Variants in EPHA7 observed in about 807,000 individuals in gnomAD.
The protein encoded by EPHA7 is EPH receptor A7.
EPHA7 carries 25 observed loss-of-function variants against 112.6 expected under a neutral mutation model. That is an observed-to-expected ratio of 0.22 (90% CI 0.16 to 0.31). The LOEUF (loss-of-function observed/expected upper bound fraction) is 0.31. Among genes scored for constraint, EPHA7 ranks in the 10% least tolerant of loss-of-function variants. The probability of loss-of-function intolerance (pLI) is 1.00; values close to 1 mark genes in which losing one functional copy is unlikely to be tolerated. For missense variants in EPHA7, 962 were observed against 1,212.6 expected, an observed-to-expected ratio of 0.79 and a Z score of 3.07; for synonymous variants, 437 against 406.5, an observed-to-expected ratio of 1.07 and a Z score of -0.90.
At chr6:93,286,040 C>G (rs1313588194) in intron 5 of EPHA7, among the ~76,000 whole-genome samples, 1 of 152,088 alleles carries the variant, frequency 6.6e-6, no homozygotes, top group Admixed American at 6.6e-5. Context: ...ATATTTATTA[C>G]CTGGCCCTTT....
intron 5 of EPHA7, among the ~76,000 whole-genome samples, chr6:93,340,350 T>C (rs1775080592): frequency 6.6e-6 from 1 of 151,882 alleles, no homozygotes; most frequent in Non-Finnish European, 1.5e-5. Flanking sequence ...TGAATGTATC[T>C]AATGAAAACA....
At chr6:93,373,183 A>G (rs1247912522) in intron 3 of EPHA7, among the ~76,000 whole-genome samples, 1 of 151,908 alleles carries the variant, frequency 6.6e-6, no homozygotes, top group Non-Finnish European at 1.5e-5. Context: ...ACAGCTAGAA[A>G]CCACTAGTTC....
chr6:93,285,450 T>C (rs1401845143), intron 5 of EPHA7, among the ~76,000 whole-genome samples: 1 of 152,198 alleles, frequency 6.6e-6, no homozygotes, highest in Non-Finnish European at 1.5e-5. Flanking sequence ...ATATCAGAAA[T>C]AGCAGATTGC....
At chr6:93,389,439 C>T (rs1470641488) in intron 3 of EPHA7, among the ~76,000 whole-genome samples, 10 of 151,996 alleles carry the variant, frequency 6.6e-5, no homozygotes, top group Admixed American at 2.0e-4. Flanking sequence ...TCTGGACTGG[C>T]ACCTCTGTCT....
chr6:93,321,698 T>C (rs1442047960), intron 5 of EPHA7, among the ~76,000 whole-genome samples: 3 of 151,904 alleles, frequency 2.0e-5, no homozygotes, highest in Non-Finnish European at 4.4e-5. Flanking sequence ...TTACTCCTTA[T>C]AAAGGAGATA....
In EPHA7 at chr6:93,258,095, C is replaced by T. The variant is rs368766488; in HGVS notation, c.2110+4G>A. ...GATAAAATAAAGATATAACCAATAT[C>T]TACCTCTTGTAACAACCCCTTCCAA... On this transcript the variant is annotated splice_donor_region_variant and intron_variant, in intron 11 of 16. Transcript: ENST00000369303. 3 of 1,611,622 alleles carry T rather than the reference C, an allele frequency of 1.9e-6. No individual in the cohort carries two copies. The highest frequency in any genetic ancestry group is 2.5e-6 in the Non-Finnish European group (3 of 1,178,472).
At chr6:93,300,632 G>A (rs1772931683) in intron 5 of EPHA7, among the ~76,000 whole-genome samples, 1 of 152,074 alleles carries the variant, frequency 6.6e-6, no homozygotes, top group Admixed American at 6.6e-5. Flanking sequence ...AAATAACTAT[G>A]AAAATTCTCC....
intron 12 of EPHA7, among the ~76,000 whole-genome samples, chr6:93,257,044 G>A (rs1230961259): frequency 6.6e-6 from 1 of 151,922 alleles, no homozygotes; most frequent in Non-Finnish European, 1.5e-5. Context: ...TTTATGCTTG[G>A]TGTTCACCTA....
intron 5 of EPHA7, among the ~76,000 whole-genome samples, chr6:93,276,130 A>G (rs1221903357): frequency 6.6e-6 from 1 of 152,032 alleles, no homozygotes; most frequent in Admixed American, 6.6e-5. Flanking sequence ...TCCATGGCCA[A>G]AAGAGTACTG....
intron 15 of EPHA7, among the ~76,000 whole-genome samples, chr6:93,245,771 T>C (rs1196636795): frequency 6.6e-6 from 1 of 152,190 alleles, no homozygotes; most frequent in Non-Finnish European, 1.5e-5. Context: ...TGGGAGTAAA[T>C]GATGCACATA....
At chr6:93,269,413 GA>G (rs1159580559) in intron 7 of EPHA7, 63 bp downstream of exon 7, 30 of 1,406,694 alleles carry the variant, frequency 2.1e-5, no homozygotes, top group Non-Finnish European at 2.8e-5. Flanking sequence ...CCTCAATATT[GA>G]AAAAAATATT....
At chr6:93,269,161 G>A (rs966573363) in intron 7 of EPHA7, among the ~76,000 whole-genome samples, 1 of 151,628 alleles carries the variant, frequency 6.6e-6, no homozygotes, top group Non-Finnish European at 1.5e-5. Flanking sequence ...AGATTGTTTC[G>A]AGGTCGACAA....
chr6:93,368,604 T>A (rs916264901), intron 3 of EPHA7, among the ~76,000 whole-genome samples: 1 of 152,148 alleles, frequency 6.6e-6, no homozygotes, highest in Admixed American at 6.6e-5. Flanking sequence ...TTTTCTCCCA[T>A]AATATATTTA....
At chr6:93,416,646 G>C (rs879481422) in intron 1 of EPHA7, among the ~76,000 whole-genome samples, 1 of 152,214 alleles carries the variant, frequency 6.6e-6, no homozygotes, top group East Asian at 1.9e-4. Context: ...CCTCAAAAGA[G>C]CGCGTATCCC....
At chr6:93,303,457 G>A (rs1773096170) in intron 5 of EPHA7, among the ~76,000 whole-genome samples, 1 of 152,184 alleles carries the variant, frequency 6.6e-6, no homozygotes, top group Admixed American at 6.5e-5. Context: ...TATATGCTCT[G>A]TTAATAGTAA....
At chr6:93,335,291 A>G (rs1177440686) in intron 5 of EPHA7, among the ~76,000 whole-genome samples, 1 of 152,126 alleles carries the variant, frequency 6.6e-6, no homozygotes, top group Non-Finnish European at 1.5e-5. Context: ...TAGTTTTAGA[A>G]CAAAATGAGA....
At position 93,244,317 on chromosome 6, in the gene EPHA7, T is replaced by G. The variant is rs185799619; in HGVS notation, c.2883-777A>C. Among the ~76,000 whole-genome samples, 7 of 152,210 alleles carry G rather than the reference T, an allele frequency of 4.6e-5. No homozygotes were observed. The East Asian group carries it at 7.7e-4, about 17-fold the overall frequency. On this transcript the variant is annotated intron_variant, in intron 16 of 16. Coordinates refer to ENST00000369303, the MANE Select transcript of EPHA7 (RefSeq NM_004440.4). ...AGTGTAAAAATGCCCACATAGTGAC[T>G]GGAAGAAAACTGAACAAAATAGCAT...
At chr6:93,309,466 A>ATT (rs1773422100) in intron 5 of EPHA7, among the ~76,000 whole-genome samples, 1 of 152,138 alleles carries the variant, frequency 6.6e-6, no homozygotes, top group African/African-American at 2.4e-5. Flanking sequence ...AGCACTTATA[A>ATT]TCATAATTAA....
chr6:93,251,083 C>T (rs1018924477), intron 14 of EPHA7, among the ~76,000 whole-genome samples: 2 of 152,054 alleles, frequency 1.3e-5, no homozygotes, highest in East Asian at 1.9e-4. Context: ...GCTCAATACT[C>T]ATTTTCTATT....
Sources: allele counts gnomAD v4.1 joint callset (sites outside exome capture counted in the v4.1 genomes callset), GRCh38; gene constraint gnomAD v4.1.1; transcripts MANE v1.5; gene names NCBI Gene and HGNC (gene_info 2026-07-23, HGNC 2026-07-21).